Variants in ANLN observed in about 807,000 individuals in gnomAD.
ANLN encodes the protein anillin, actin binding protein.
In ANLN, 59 loss-of-function variants were observed where a neutral mutation model predicts 135.1. That is an observed-to-expected ratio of 0.44 (90% CI 0.35 to 0.54). ANLN has a LOEUF of 0.54. Ranked by LOEUF, ANLN falls within the 20% of genes least tolerant of loss-of-function variation. ANLN has a pLI of 0.00. For missense variants in ANLN, 1,182 were observed against 1,340.0 expected (o/e 0.88, Z 1.84); for synonymous variants, 406 against 456.4 (o/e 0.89, Z 1.41).
chr7:36,395,769 G>A (rs763173130), intron 1 of ANLN, among the ~76,000 whole-genome samples: 5 of 151,876 alleles, frequency 3.3e-5, no homozygotes, highest in Non-Finnish European at 7.4e-5. Flanking sequence ...ATGGTCTAAG[G>A]TGGCCTTATT....
At chr7:36,428,652 C>A (rs1399410655) in intron 20 of ANLN, among the ~76,000 whole-genome samples, 2 of 151,628 alleles carry the variant, frequency 1.3e-5, no homozygotes, top group Non-Finnish European at 2.9e-5. Context: ...ATATTCACAT[C>A]AATATTGATT....
At chr7:36,415,528 C>T (rs76786142) in intron 7 of ANLN, among the ~76,000 whole-genome samples, 156 of 152,096 alleles carry the variant, frequency 1.0e-3, no homozygotes, top group African/African-American at 3.5e-3. Context: ...CTTGCCACCT[C>T]CTCTCCAAAA....
chr7:36,442,213 A>T (rs1788802907), intron 21 of ANLN, among the ~76,000 whole-genome samples: 1 of 152,246 alleles, frequency 6.6e-6, no homozygotes. Flanking sequence ...TAATTTAAAG[A>T]TATGCTTAGA....
chr7:36,391,559 A>C (rs1786464165), intron 1 of ANLN, among the ~76,000 whole-genome samples: 1 of 152,214 alleles, frequency 6.6e-6, no homozygotes, highest in African/African-American at 2.4e-5. Context: ...CTTAATAGGT[A>C]ATGAATGAAC....
chr7:36,429,284 G>A lies in ANLN; in HGVS notation c.2883+2256G>A, dbSNP rs974909041. On this transcript the variant is annotated intron_variant, in intron 20 of 23. Transcript: ENST00000265748. ...CACCCAAGCTGGAGTGCAGTGGCAC[G>A]ATCTCGGCTCACTACAGCCTCCATC... Among the ~76,000 whole-genome samples the A allele has an allele frequency of 5.3e-5, 8 of 152,072 alleles. 1 individual carries two copies. The highest frequency in any genetic ancestry group is 4.2e-4 in the South Asian group (2 of 4,818).
rs1335600458 is a variant in ANLN, at chr7:36,422,687, C to G, written c.2354C>G (p.Pro785Arg). Residue 785 changes from proline to arginine, a missense_variant, in exon 14 of 24, where the codon CCT becomes CGT. By Grantham distance (103) the Pro-to-Arg change is moderately radical. Coordinates refer to ENST00000265748, the MANE Select transcript of ANLN (RefSeq NM_018685.5). ...TTGAATAAATTGAAGAACGAAGGAC[C>G]TCAGAGGAAGAATAAGGCTAGTCCC... The part of the protein sequence containing the change: ...DELNKLKNEG[P>R]QRKNKASPQS... The G allele has an allele frequency of 1.2e-6, 2 of 1,612,528 alleles. 1 individual carries two copies. Among genetic ancestry groups the G allele is most frequent in the South Asian group, 2.2e-5 (2 of 90,718 alleles).
chr7:36,395,524 C>T (rs1025985214), intron 1 of ANLN, among the ~76,000 whole-genome samples: 10 of 152,148 alleles, frequency 6.6e-5, no homozygotes, highest in African/African-American at 2.4e-4. Flanking sequence ...TTAATCACAT[C>T]AGTAAAGTCT....
At chr7:36,429,484 G>C (rs1274183337) in intron 20 of ANLN, among the ~76,000 whole-genome samples, 1 of 152,232 alleles carries the variant, frequency 6.6e-6, no homozygotes, top group Non-Finnish European at 1.5e-5. Context: ...GTCTCACAAA[G>C]TGCTGGGATT....
At chr7:36,431,631 T>C (rs1388622283) in intron 20 of ANLN, among the ~76,000 whole-genome samples, 2 of 140,080 alleles carry the variant, frequency 1.4e-5, no homozygotes, top group East Asian at 4.1e-4. Context: ...TATATATATA[T>C]ATTACCATTT....
intron 21 of ANLN, among the ~76,000 whole-genome samples, chr7:36,440,658 A>G (rs1428498358): frequency 8.5e-5 from 13 of 152,198 alleles, no homozygotes; most frequent in Admixed American, 3.9e-4. Context: ...GATAGAGGCC[A>G]TGGAGGACCT....
At chr7:36,410,755 C>T in intron 6 of ANLN, 51 bp downstream of exon 6, 2 of 1,527,704 alleles carry the variant, frequency 1.3e-6, no homozygotes, top group Non-Finnish European at 1.8e-6. Flanking sequence ...CTGCATAGAA[C>T]CTAGAAATCA....
chr7:36,413,532 G>C (rs181459359), intron 7 of ANLN, among the ~76,000 whole-genome samples: 3 of 152,262 alleles, frequency 2.0e-5, no homozygotes, highest in South Asian at 2.1e-4. Context: ...AAACTATTTT[G>C]TACTAAATAA....
At chr7:36,441,287 A>T (rs1030772185) in intron 21 of ANLN, among the ~76,000 whole-genome samples, 1 of 152,168 alleles carries the variant, frequency 6.6e-6, no homozygotes, top group Non-Finnish European at 1.5e-5. Context: ...AGATCTCTTC[A>T]AGTTTACTCT....
In ANLN at chr7:36,422,715, A is replaced by C; in HGVS notation, c.2382A>C (p.Gln794His). The change falls in exon 14 of 24, where the codon CAA becomes CAC. Residue 794 changes from glutamine (Q) to histidine (H), a missense_variant. Gln to His is a conservative substitution (Grantham distance 24, BLOSUM62 0). Transcript: ENST00000265748. ...GPQRKNKASP[Q>H]SEFMPSKGSV... ...AGAGGAAGAATAAGGCTAGTCCCCA[A>C]AGTGAATTTATGCCATCCAAAGGAT... 1 of 1,613,214 alleles carries C rather than the reference A, an allele frequency of 6.2e-7. No homozygotes were observed. The highest frequency in any genetic ancestry group is 8.5e-7 in the Non-Finnish European group (1 of 1,179,746).
intron 20 of ANLN, among the ~76,000 whole-genome samples, chr7:36,430,240 T>A (rs1410884950): frequency 1.1e-4 from 17 of 152,216 alleles, no homozygotes; most frequent in Non-Finnish European, 4.4e-5. Context: ...CAGTCTTGGT[T>A]TATTTTACTG....
chr7:36,418,552 C>G (rs994636061), intron 9 of ANLN, among the ~76,000 whole-genome samples: 2 of 152,120 alleles, frequency 1.3e-5, no homozygotes, highest in African/African-American at 4.8e-5. Flanking sequence ...CCCTAAGTGA[C>G]ATTAATATTT....
intron 22 of ANLN, chr7:36,449,116 A>G (rs2116832370): frequency 6.6e-6 from 1 of 152,360 alleles, no homozygotes; most frequent in East Asian, 1.9e-4. Context: ...ATGTGTGCCT[A>G]TATGTGTTTC....
At chr7:36,411,255 C>T in intron 7 of ANLN, 89 bp downstream of exon 7, 1 of 1,040,934 alleles carries the variant, frequency 9.6e-7, no homozygotes, top group South Asian at 1.9e-5. Context: ...TAATTCTTTA[C>T]ACATTTTTCT....
At chr7:36,400,387 T>A (rs981487567) in intron 3 of ANLN, among the ~76,000 whole-genome samples, 6 of 151,866 alleles carry the variant, frequency 4.0e-5, no homozygotes, top group African/African-American at 1.5e-4. Context: ...TGAGACAGAG[T>A]CTCACTCTGT....
Sources: gnomAD v4.1 joint callset for allele counts (sites outside exome capture counted in the v4.1 genomes callset) on GRCh38, gnomAD v4.1.1 for gene constraint, MANE v1.5 for transcripts, NCBI Gene and HGNC (gene_info 2026-07-23, HGNC 2026-07-21) for gene names.